The following SCAI variants were observed in gnomAD, a reference collection of about 807,000 sequenced individuals.
SCAI encodes the protein suppressor of cancer cell invasion.
Under a neutral mutation model 92.2 loss-of-function variants are expected in SCAI, and 24 were observed. The observed-to-expected ratio is 0.26, with a 90% CI of 0.19 to 0.37. SCAI has a LOEUF of 0.37. Ranked by LOEUF, SCAI falls within the 10% of genes least tolerant of loss-of-function variation. The pLI is 1.00. For synonymous variants in SCAI, 261 were observed against 258.6 expected (o/e 1.01, Z -0.09); for missense variants, 450 against 736.2 (o/e 0.61, Z 4.50).
At chr9:125,003,973 C>G (rs1258481259) in intron 9 of SCAI, among the ~76,000 whole-genome samples, 2 of 152,040 alleles carry the variant, frequency 1.3e-5, no homozygotes, top group South Asian at 4.1e-4. Flanking sequence ...GTCAGGAGTT[C>G]GAGACCAGCC....
At chr9:125,139,983 T>G (rs1835628668) in intron 2 of SCAI, among the ~76,000 whole-genome samples, 1 of 152,158 alleles carries the variant, frequency 6.6e-6, no homozygotes, top group South Asian at 2.1e-4. Context: ...TCCTAGCACT[T>G]TGGGAGGCCA....
At chr9:125,100,656 C>T (rs912080308) in intron 2 of SCAI, among the ~76,000 whole-genome samples, 1 of 152,048 alleles carries the variant, frequency 6.6e-6, no homozygotes, top group African/African-American at 2.4e-5. Flanking sequence ...GGAGACAGTA[C>T]AAATTATATA....
intron 17 of SCAI, among the ~76,000 whole-genome samples, chr9:124,955,303 G>GAA (rs1300039852): frequency 6.6e-6 from 1 of 151,804 alleles, no homozygotes; most frequent in African/African-American, 2.4e-5. Context: ...AAATGAAACA[G>GAA]AAAAGAGAAA....
intron 2 of SCAI, among the ~76,000 whole-genome samples, chr9:125,116,920 T>C (rs904141644): frequency 2.4e-4 from 37 of 152,194 alleles, no homozygotes; most frequent in Non-Finnish European, 1.6e-4. Flanking sequence ...TCACTTATCA[T>C]ATTTATTCTT....
At chr9:125,137,113 C>A (rs150413417) in intron 2 of SCAI, among the ~76,000 whole-genome samples, 2 of 152,242 alleles carry the variant, frequency 1.3e-5, no homozygotes, top group South Asian at 2.1e-4. Flanking sequence ...TTCTATAATT[C>A]ATCTTTGGGG....
chr9:124,968,379 T>C (rs1165035390), intron 17 of SCAI: 23 of 1,176,120 alleles, frequency 2.0e-5, no homozygotes, highest in Middle Eastern at 2.0e-4. Flanking sequence ...GAGCACATCA[T>C]GGAGGGACAC....
intron 14 of SCAI, among the ~76,000 whole-genome samples, chr9:124,981,667 T>G (rs1294627140): frequency 1.3e-5 from 2 of 152,086 alleles, no homozygotes; most frequent in Admixed American, 1.3e-4. Flanking sequence ...TTTTTTTTTT[T>G]TAGTCAAGGT....
intron 2 of SCAI, among the ~76,000 whole-genome samples, chr9:125,090,477 G>T (rs936794718): frequency 6.6e-6 from 1 of 151,964 alleles, no homozygotes; most frequent in African/African-American, 2.4e-5. Flanking sequence ...GGATGATGAA[G>T]AAGGAGAAGG....
chr9:124,953,685 T>C lies in SCAI; in HGVS notation c.1675-732A>G, dbSNP rs535163131. Among the ~76,000 whole-genome samples, 10 of 152,212 alleles carry C rather than the reference T, an allele frequency of 6.6e-5. No individual in the cohort carries two copies. In the South Asian group the frequency reaches 2.1e-3, roughly 32 times the overall value. On this transcript the variant is annotated intron_variant, in intron 17 of 17. Coordinates refer to ENST00000336505, the MANE Select transcript of SCAI (RefSeq NM_001144877.3). The stretch of plus-strand genomic sequence containing the variant: ...GCCTCAGCCTCCCAAAGTGTTGGGA[T>C]TACAGGCGTGAGCCACCGTGCCCGG...
At position 124,948,450 on chromosome 9, in the gene SCAI, A is replaced by G. The variant is rs1039190506; in HGVS notation, c.*4357T>C. ...TCAGATTTGTGGATTTTTACAATAA[A>G]AATTTGATACTGTTTTGTGCCAAAA... On this transcript the variant is annotated 3_prime_UTR_variant, in exon 18 of 18. Transcript: ENST00000336505. 2 of 152,218 alleles carry G rather than the reference A, an allele frequency of 1.3e-5. No individual in the cohort carries two copies. Among genetic ancestry groups the G allele is most frequent in the African/African-American group, 4.8e-5 (2 of 41,454 alleles). The allele number at this position is 152,218 out of a possible 1,614,324, so 9.4% of individuals were successfully genotyped here.
At chr9:125,106,101 A>C (rs1482515665) in intron 2 of SCAI, among the ~76,000 whole-genome samples, 5 of 27,592 alleles carry the variant, frequency 1.8e-4, no homozygotes, top group Non-Finnish European at 3.9e-4. Context: ...CATCTCAAAA[A>C]AAAAAAAAAA....
Position 124,971,389 on chromosome 9 carries a change from C to T in SCAI, c.1655G>A (p.Arg552Lys), listed in dbSNP as rs774993223. The change falls in exon 17 of 18, where the codon AGG (arginine) becomes AAG (lysine). Residue 552 changes from arginine (R) to lysine (K), a missense_variant. Physicochemically the swap from Arg to Lys is conservative, Grantham distance 26. This residue lies in a region of SCAI where 360 missense variants were observed against 601.8 expected (regional missense o/e 0.60). Transcript: ENST00000336505. ...TRFIFCSATM[R>K]MHKIFRETRN... ...GCCTACCCGAAAAATCTTGTGCATC[C>T]TCATGGTGGCTGAACAAAAGATAAA... 1.9e-6 allele frequency: 3 copies of T among 1,609,070 alleles called. No individual in the cohort carries two copies. The highest frequency in any genetic ancestry group is 4.5e-5 in the East Asian group (2 of 44,738).
chr9:125,017,809 GACC>G (rs1832791605), intron 9 of SCAI, among the ~76,000 whole-genome samples: 1 of 152,036 alleles, frequency 6.6e-6, no homozygotes, highest in Admixed American at 6.6e-5. Flanking sequence ...AGGAGTTCAA[GACC>G]AGCCTGGCCA....
chr9:125,039,443 A>G (rs1341757976), intron 3 of SCAI, among the ~76,000 whole-genome samples: 2 of 152,108 alleles, frequency 1.3e-5, no homozygotes, highest in Non-Finnish European at 2.9e-5. Flanking sequence ...CAATCTGGGT[A>G]TCTCATAAAG....
At chr9:125,059,125 C>G (rs183677019) in intron 2 of SCAI, among the ~76,000 whole-genome samples, 1 of 152,310 alleles carries the variant, frequency 6.6e-6, no homozygotes, top group East Asian at 1.9e-4. Context: ...GCAGACACTG[C>G]CTTGATCAAA....
intron 3 of SCAI, among the ~76,000 whole-genome samples, chr9:125,042,876 T>TTG (rs1833355704): frequency 7.9e-6 from 1 of 126,752 alleles, no homozygotes; most frequent in Admixed American, 8.0e-5. Flanking sequence ...TTTTTTTTTT[T>TTG]TTTTTTTTTT....
intron 2 of SCAI, among the ~76,000 whole-genome samples, chr9:125,119,160 G>A (rs950192066): frequency 4.6e-5 from 7 of 152,174 alleles, no homozygotes; most frequent in South Asian, 2.1e-4. Context: ...GTTGGCGGGG[G>A]ATGGGGGAGC....
intron 9 of SCAI, among the ~76,000 whole-genome samples, chr9:125,009,942 C>T (rs139642348): frequency 1.4e-4 from 21 of 152,182 alleles, no homozygotes; most frequent in African/African-American, 5.1e-4. Flanking sequence ...CGCCTGTAAT[C>T]CCAGCACTTT....
At chr9:125,127,876 T>C (rs1404757479) in intron 2 of SCAI, among the ~76,000 whole-genome samples, 3 of 151,900 alleles carry the variant, frequency 2.0e-5, no homozygotes, top group African/African-American at 4.8e-5. Flanking sequence ...GATATGGTGG[T>C]GCGTTCCTGT....
Sources: allele counts gnomAD v4.1 joint callset (sites outside exome capture counted in the v4.1 genomes callset), GRCh38; gene constraint gnomAD v4.1.1; regional missense constraint gnomAD v4.1.1; transcripts MANE v1.5; gene names NCBI Gene and HGNC (gene_info 2026-07-23, HGNC 2026-07-21).